The following KCND2 variants were observed in gnomAD, a reference collection of about 807,000 sequenced individuals.
The protein encoded by KCND2 is potassium voltage-gated channel subfamily D member 2.
KCND2 carries 16 observed loss-of-function variants against 54.4 expected under a neutral mutation model. That is an observed-to-expected ratio of 0.29 (90% CI 0.20 to 0.45). The LOEUF (loss-of-function observed/expected upper bound fraction) is 0.45, where lower values mean the gene tolerates loss of function less well. Ranked by LOEUF, KCND2 falls within the 20% of genes least tolerant of loss-of-function variation. KCND2 has a pLI of 1.00. For synonymous variants in KCND2, 317 were observed against 310.7 expected, an observed-to-expected ratio of 1.02 and a Z score of -0.21; for missense variants, 486 against 824.2, an observed-to-expected ratio of 0.59 and a Z score of 5.02.
At chr7:120,481,359 T>A (rs950501513) in intron 1 of KCND2, among the ~76,000 whole-genome samples, 1 of 152,214 alleles carries the variant, frequency 6.6e-6, no homozygotes, top group African/African-American at 2.4e-5. Context: ...AAAGGCAGAT[T>A]TTTATAATTA....
chr7:120,330,977 T>C (rs1051096760), intron 1 of KCND2, among the ~76,000 whole-genome samples: 7 of 152,106 alleles, frequency 4.6e-5, no homozygotes, highest in Non-Finnish European at 4.4e-5. Flanking sequence ...CAACTGAAGA[T>C]TGAAATAAAA....
At chr7:120,523,053 T>A (rs1791719450) in intron 1 of KCND2, among the ~76,000 whole-genome samples, 1 of 152,118 alleles carries the variant, frequency 6.6e-6, no homozygotes, top group Admixed American at 6.6e-5. Flanking sequence ...ACAGATGAGG[T>A]GGGCAAGTGT....
chr7:120,412,065 C>T (rs1454130705), intron 1 of KCND2, among the ~76,000 whole-genome samples: 2 of 151,848 alleles, frequency 1.3e-5, no homozygotes, highest in African/African-American at 4.8e-5. Context: ...TACTTTTGTT[C>T]CATCTGCTCC....
chr7:120,378,490 T>C (rs1245290596), intron 1 of KCND2, among the ~76,000 whole-genome samples: 2 of 152,018 alleles, frequency 1.3e-5, no homozygotes, highest in Non-Finnish European at 2.9e-5. Context: ...ATTTCTTTAG[T>C]GGCCGCTGTA....
intron 1 of KCND2, among the ~76,000 whole-genome samples, chr7:120,456,292 A>G (rs1339835742): frequency 6.6e-6 from 1 of 152,202 alleles, no homozygotes; most frequent in African/African-American, 2.4e-5. Context: ...TGGGCAATTT[A>G]CCTAACTTCT....
chr7:120,644,524 A>G (rs1793414616), intron 1 of KCND2, among the ~76,000 whole-genome samples: 1 of 152,206 alleles, frequency 6.6e-6, no homozygotes, highest in South Asian at 2.1e-4. Flanking sequence ...AAACTGTTCC[A>G]TTATGAAATA....
intron 1 of KCND2, among the ~76,000 whole-genome samples, chr7:120,712,629 A>C (rs1273631385): frequency 3.3e-5 from 5 of 152,264 alleles, no homozygotes; most frequent in Non-Finnish European, 7.4e-5. Context: ...CTAATAGATA[A>C]GGAGAACAGA....
chr7:120,731,884 A>T (rs1792811548), intron 1 of KCND2, among the ~76,000 whole-genome samples: 1 of 152,164 alleles, frequency 6.6e-6, no homozygotes, highest in Non-Finnish European at 1.5e-5. Context: ...CATGGTGGTG[A>T]TTATGTTTAA....
chr7:120,415,901 C>A (rs1328990087), intron 1 of KCND2, among the ~76,000 whole-genome samples: 2 of 152,186 alleles, frequency 1.3e-5, no homozygotes, highest in Non-Finnish European at 2.9e-5. Context: ...GGACAGGCAT[C>A]CATCCGTTTA....
intron 1 of KCND2, among the ~76,000 whole-genome samples, chr7:120,668,742 A>G (rs1007532797): frequency 1.3e-5 from 2 of 152,188 alleles, no homozygotes; most frequent in African/African-American, 4.8e-5. Context: ...TATAAAAGAT[A>G]TTTGCAGGAA....
chr7:120,587,932 T>C (rs1792620598), intron 1 of KCND2, among the ~76,000 whole-genome samples: 1 of 152,186 alleles, frequency 6.6e-6, no homozygotes, highest in East Asian at 1.9e-4. Flanking sequence ...CTGGAACCTA[T>C]GTTTAGAATC....
intron 1 of KCND2, among the ~76,000 whole-genome samples, chr7:120,537,020 C>G (rs562896134): frequency 1.6e-4 from 25 of 152,214 alleles, no homozygotes; most frequent in African/African-American, 5.5e-4. Context: ...GTGAATACTT[C>G]CAGAAGGTTT....
chr7:120,498,861 ATGT>A (rs1349184018), intron 1 of KCND2, among the ~76,000 whole-genome samples: 3 of 152,164 alleles, frequency 2.0e-5, no homozygotes, highest in Non-Finnish European at 4.4e-5. Context: ...CAGGAATTAA[ATGT>A]TGTCCGTGAG....
chr7:120,323,364 C>T (rs990311985), intron 1 of KCND2, among the ~76,000 whole-genome samples: 7 of 151,854 alleles, frequency 4.6e-5, no homozygotes, highest in Non-Finnish European at 7.4e-5. Flanking sequence ...TAGTTACATA[C>T]GTATACATGT....
At chr7:120,397,446 G>C (rs1355191527) in intron 1 of KCND2, among the ~76,000 whole-genome samples, 2 of 151,906 alleles carry the variant, frequency 1.3e-5, no homozygotes, top group African/African-American at 4.8e-5. Context: ...AAATCATAAG[G>C]ATTGTTTCTT....
At chr7:120,471,147 A>C in intron 1 of KCND2, among the ~76,000 whole-genome samples, 1 of 152,096 alleles carries the variant, frequency 6.6e-6, no homozygotes, top group East Asian at 1.9e-4. Context: ...TAAGTAAGGA[A>C]ATTCTTGAGT....
intron 1 of KCND2, among the ~76,000 whole-genome samples, chr7:120,452,423 G>C (rs1802126441): frequency 6.6e-6 from 1 of 152,170 alleles, no homozygotes; most frequent in Non-Finnish European, 1.5e-5. Context: ...TGAGGGACTG[G>C]AACATCAGGT....
intron 1 of KCND2, among the ~76,000 whole-genome samples, chr7:120,382,756 G>A (rs1214885081): frequency 6.6e-6 from 1 of 151,632 alleles, no homozygotes; most frequent in East Asian, 1.9e-4. Flanking sequence ...GAATACTTTG[G>A]GGGTACTTGC....
At chr7:120,708,270 A>G (rs1792495126) in intron 1 of KCND2, among the ~76,000 whole-genome samples, 1 of 152,146 alleles carries the variant, frequency 6.6e-6, no homozygotes, top group South Asian at 2.1e-4. Context: ...TGACAAGTAT[A>G]CTCAGACCAT....
Sources: allele counts gnomAD v4.1 joint callset (sites outside exome capture counted in the v4.1 genomes callset), GRCh38; gene constraint gnomAD v4.1.1; transcripts MANE v1.5; gene names NCBI Gene and HGNC (gene_info 2026-07-23, HGNC 2026-07-21).